Variants in SLC16A9 observed in about 807,000 individuals in gnomAD.
The protein encoded by SLC16A9 is solute carrier family 16 member 9, also known as monocarboxylate transporter 9.
In SLC16A9, 26 loss-of-function variants were observed where a neutral mutation model predicts 44.3. That is an observed-to-expected ratio of 0.59 (90% CI 0.43 to 0.81). SLC16A9 has a LOEUF of 0.81. Among genes scored for constraint, SLC16A9 ranks in the 40% least tolerant of loss-of-function variants. The pLI is 0.00. For synonymous variants in SLC16A9, 230 were observed against 225.1 expected (o/e 1.02, Z -0.19); for missense variants, 559 against 595.8 (o/e 0.94, Z 0.64).
rs1325516310 is a variant in SLC16A9, at chr10:59,654,178, G to A, written c.848C>T (p.Ala283Val). Reference protein sequence around the residue: ...AEQTYFCKQLAKRKWQLYKNY... With the variant: ...AEQTYFCKQLVKRKWQLYKNY... The stretch of plus-strand genomic sequence containing the variant: ...TTTATATAACTGCCACTTCCTCTTG[G>A]CAAGCTGTTTGCAAAAATATGTCTG... Residue 283 changes from alanine to valine, a missense_variant, in exon 5 of 6, where the codon GCC becomes GTC. Coordinates refer to ENST00000395348, the MANE Select transcript of SLC16A9 (RefSeq NM_194298.3). The A allele has an allele frequency of 6.2e-7, 1 of 1,613,984 alleles. No homozygotes were observed. The highest frequency in any genetic ancestry group is 1.1e-5 in the South Asian group (1 of 91,062).
chr10:59,676,665 G>T (rs184887089), intron 2 of SLC16A9, among the ~76,000 whole-genome samples: 219 of 152,276 alleles, frequency 1.4e-3, no homozygotes, highest in African/African-American at 4.7e-3. Context: ...GCTCAAGCCT[G>T]TAATCCCAGC....
chr10:59,679,509 A>G (rs2132474449), intron 2 of SLC16A9, among the ~76,000 whole-genome samples: 1 of 152,324 alleles, frequency 6.6e-6, no homozygotes, highest in East Asian at 1.9e-4. Flanking sequence ...GGCTGCAGCT[A>G]CAATTACAAG....
chr10:59,697,171 G>A (rs1303366949), intron 1 of SLC16A9, among the ~76,000 whole-genome samples: 5 of 142,210 alleles, frequency 3.5e-5, no homozygotes, highest in Non-Finnish European at 6.3e-5. Context: ...GCCTCTGCCC[G>A]GCCGCCCCTA....
At chr10:59,697,553 TC>T (rs1840423295) in intron 1 of SLC16A9, among the ~76,000 whole-genome samples, 1 of 150,136 alleles carries the variant, frequency 6.7e-6, no homozygotes, top group Middle Eastern at 3.2e-3. Context: ...TTAAGAGTCA[TC>T]GCCACTCCCT....
intron 2 of SLC16A9, among the ~76,000 whole-genome samples, chr10:59,680,076 A>G (rs2132476061): frequency 6.6e-6 from 1 of 152,276 alleles, no homozygotes; most frequent in African/African-American, 2.4e-5. Context: ...TCCCTAGCTC[A>G]GAGACCCTAG....
intron 1 of SLC16A9, among the ~76,000 whole-genome samples, chr10:59,703,663 C>T (rs1008912270): frequency 2.0e-5 from 3 of 151,838 alleles, no homozygotes; most frequent in African/African-American, 2.4e-5. Flanking sequence ...TTTCGTTTGG[C>T]GGACTCAATG....
intron 1 of SLC16A9, among the ~76,000 whole-genome samples, chr10:59,697,746 A>AT (rs1179593130): frequency 2.0e-5 from 3 of 150,326 alleles, no homozygotes; most frequent in Non-Finnish European, 4.4e-5. Flanking sequence ...AATAAAATAA[A>AT]AAATAAATAA....
intron 1 of SLC16A9, among the ~76,000 whole-genome samples, chr10:59,696,661 G>A (rs1840384724): frequency 1.3e-5 from 2 of 150,088 alleles, no homozygotes; most frequent in South Asian, 4.3e-4. Flanking sequence ...GAAGTGAGGA[G>A]TGTCTCTGCC....
chr10:59,684,033 ATGATG>A, intron 2 of SLC16A9, 58 bp downstream of exon 2: 2 of 1,380,978 alleles, frequency 1.4e-6, no homozygotes. Context: ...CACAATGTTC[ATGATG>A]TAGTAAATGT....
intron 2 of SLC16A9, among the ~76,000 whole-genome samples, chr10:59,675,877 T>C (rs1163705446): frequency 1.3e-5 from 2 of 152,226 alleles, no homozygotes; most frequent in Non-Finnish European, 2.9e-5. Flanking sequence ...CCTGAATCTC[T>C]CAAGTTGCCC....
intron 1 of SLC16A9, among the ~76,000 whole-genome samples, chr10:59,701,106 A>AT (rs1840513085): frequency 6.6e-6 from 1 of 152,088 alleles, no homozygotes; most frequent in South Asian, 2.1e-4. Context: ...CTCCTCCTGA[A>AT]TTTTACCTGG....
At position 59,652,742 on chromosome 10, in the gene SLC16A9, A is replaced by G; in HGVS notation, c.*30T>C. 1 of 1,581,596 alleles carries G rather than the reference A, an allele frequency of 6.3e-7. No homozygotes were observed. The highest frequency in any genetic ancestry group is 8.6e-7 in the Non-Finnish European group (1 of 1,166,056). Reference sequence around the variant, plus strand: ...AAATATCGTTGCTATATGGTATAAAATAGCAAAAATAGTGTCTTCCAATAT... The same window carrying G: ...AAATATCGTTGCTATATGGTATAAAGTAGCAAAAATAGTGTCTTCCAATAT... On this transcript the variant is annotated 3_prime_UTR_variant, in exon 6 of 6. Coordinates refer to ENST00000395348, the MANE Select transcript of SLC16A9 (RefSeq NM_194298.3).
At chr10:59,669,729 C>A (rs992153434) in intron 3 of SLC16A9, among the ~76,000 whole-genome samples, 1 of 151,778 alleles carries the variant, frequency 6.6e-6, no homozygotes, top group Admixed American at 6.6e-5. Context: ...CCAGCTTACT[C>A]GGGAGGCTGA....
chr10:59,703,727 T>G (rs1840577397), intron 1 of SLC16A9, among the ~76,000 whole-genome samples: 1 of 148,330 alleles, frequency 6.7e-6, no homozygotes, highest in Non-Finnish European at 1.5e-5. Context: ...TTTTTTTTCG[T>G]TTTTTTTTTG....
At chr10:59,657,611 C>A (rs1839378557) in intron 4 of SLC16A9, among the ~76,000 whole-genome samples, 1 of 152,142 alleles carries the variant, frequency 6.6e-6, no homozygotes, top group Non-Finnish European at 1.5e-5. Context: ...CCCCTATGCC[C>A]TCCTCTCAAG....
At chr10:59,677,063 T>TCACACACACACACACA (rs57206841) in intron 2 of SLC16A9, among the ~76,000 whole-genome samples, 13,711 of 149,048 alleles carry the variant, frequency 0.092, 836 homozygotes, top group African/African-American at 0.15. Context: ...AATAGGAACT[T>TCACACACACACACACA]CACACACACA....
chr10:59,696,798 G>C (rs576850127), intron 1 of SLC16A9, among the ~76,000 whole-genome samples: 2 of 150,700 alleles, frequency 1.3e-5, no homozygotes, highest in South Asian at 2.1e-4. Context: ...CAACCGCCCC[G>C]TCTGAGAAGT....
intron 4 of SLC16A9, among the ~76,000 whole-genome samples, chr10:59,656,874 AT>A (rs1199617973): frequency 3.3e-5 from 5 of 152,218 alleles, no homozygotes; most frequent in Non-Finnish European, 7.3e-5. Context: ...TAAAGCACTA[AT>A]TATGCTTCCA....
rs547537107 is a variant in SLC16A9 at position 59,702,355 on chromosome 10, C to T, written c.-37+7124G>A. ...GATCAAATAATTACCTGATTCTTTC[C>T]GATTCGGTTTTAAATGTTAAACATT... On this transcript the variant is annotated intron_variant, in intron 1 of 5. Coordinates refer to ENST00000395348, the MANE Select transcript of SLC16A9 (RefSeq NM_194298.3). 1.4e-4 allele frequency among the ~76,000 whole-genome samples: 21 copies of T among 152,216 alleles called. No homozygotes were observed. The South Asian group carries it at 3.7e-3, about 27-fold the overall frequency.
Sources: gnomAD v4.1 joint callset for allele counts (sites outside exome capture counted in the v4.1 genomes callset) on GRCh38, gnomAD v4.1.1 for gene constraint, MANE v1.5 for transcripts, NCBI Gene and HGNC (gene_info 2026-07-23, HGNC 2026-07-21) for gene names.